OTOG: variants seen among roughly 807,000 people sequenced by gnomAD.
OTOG encodes otogelin.
Under a neutral mutation model 313.8 loss-of-function variants are expected in OTOG, and 296 were observed. That is an observed-to-expected ratio of 0.94 (90% CI 0.86 to 1.04). The LOEUF (loss-of-function observed/expected upper bound fraction) is 1.04, where lower values mean the gene tolerates loss of function less well. Ranked by LOEUF, OTOG falls within the 50% of genes least tolerant of loss-of-function variation. OTOG has a pLI of 0.00. For missense variants in OTOG, 3,948 were observed against 3,840.1 expected, an observed-to-expected ratio of 1.03 and a Z score of -0.74; for synonymous variants, 1,533 against 1,554.9, an observed-to-expected ratio of 0.99 and a Z score of 0.33.
At position 17,634,147 on chromosome 11, in the gene OTOG, A is replaced by C; in HGVS notation, c.7346A>C (p.Gln2449Pro). 6.5e-7 allele frequency: 1 copy of C among 1,549,828 alleles called. No homozygotes were observed. Among genetic ancestry groups the C allele is most frequent in the Non-Finnish European group, 8.7e-7 (1 of 1,146,942 alleles). The change falls in exon 44 of 56, where the codon CAG (glutamine) becomes CCG (proline). Residue 2449 changes from glutamine to proline, a missense_variant. By Grantham distance (76) the Gln-to-Pro change is moderately conservative (BLOSUM62 -1). Coordinates refer to ENST00000399397, the MANE Select transcript of OTOG (RefSeq NM_001292063.2). Reference protein sequence around the residue: ...NSSLSGCCQHQCQAPDTIVPV... With the variant: ...NSSLSGCCQHPCQAPDTIVPV... ...TCCCTCAGCGGCTGCTGCCAGCACC[A>C]GTGCCAAGCCCCAGACACCATTGTC...
intron 5 of OTOG, 46 bp from the exon 6 acceptor site, chr11:17,553,319 G>A (rs973342136): frequency 2.7e-4 from 398 of 1,494,230 alleles, no homozygotes; most frequent in Non-Finnish European, 3.4e-4. Context: ...CTCTGGCTTG[G>A]TGCCCACTGT....
chr11:17,603,777 C>T (rs1853313502), intron 32 of OTOG, among the ~76,000 whole-genome samples: 1 of 152,214 alleles, frequency 6.6e-6, no homozygotes, highest in South Asian at 2.1e-4. Flanking sequence ...CAGGAAACAT[C>T]ACAGAGGGGA....
At chr11:17,627,407 A>G (rs1565124546) in intron 39 of OTOG, among the ~76,000 whole-genome samples, 1 of 152,092 alleles carries the variant, frequency 6.6e-6, no homozygotes, top group Non-Finnish European at 1.5e-5. Context: ...TATTCTGTTG[A>G]TATGATGTAT....
At chr11:17,551,063 C>CA (rs1332338158) in intron 3 of OTOG, among the ~76,000 whole-genome samples, 1 of 150,246 alleles carries the variant, frequency 6.7e-6, no homozygotes, top group Non-Finnish European at 1.5e-5. Flanking sequence ...CAGTTTGTGG[C>CA]TTGTTGGCCC....
rs1430372915 is a variant in OTOG, at chr11:17,634,885, C to T, written c.7522C>T (p.Arg2508Cys). 2.5e-5 allele frequency: 39 copies of T among 1,549,458 alleles called. No homozygotes were observed. In the East Asian group the frequency reaches 8.3e-4, roughly 33 times the overall value. ...TLCEGLAPTCRPGHRLLTHFQ... is the reference protein window; with the variant it reads ...TLCEGLAPTCCPGHRLLTHFQ... The stretch of plus-strand genomic sequence containing the variant: ...GTGTGAGGGTCTCGCCCCCACATGC[C>T]GCCCAGGCCACCGCCTCCTCACCCA... The change falls in exon 45 of 56, where the codon CGC (arginine) becomes TGC (cysteine). Residue 2508 changes from arginine (R) to cysteine (C), a missense_variant. Physicochemically the swap from Arg to Cys is radical, Grantham distance 180. Transcript: ENST00000399397.
At chr11:17,574,306 G>A (rs1852468115) in intron 19 of OTOG, among the ~76,000 whole-genome samples, 1 of 135,778 alleles carries the variant, frequency 7.4e-6, no homozygotes, top group African/African-American at 2.9e-5. Flanking sequence ...AGGGGAGTGA[G>A]GGGGTAGGAG....
At chr11:17,641,704 CAGA>C in intron 51 of OTOG, 140 bp from the exon 52 acceptor site, 1 of 607,126 alleles carries the variant, frequency 1.6e-6, no homozygotes, top group South Asian at 2.0e-5. Context: ...CTGCCTGTGA[CAGA>C]AGGAGGCTGG....
At chr11:17,587,953 C>T (rs372794041) in intron 24 of OTOG, among the ~76,000 whole-genome samples, 3 of 152,310 alleles carry the variant, frequency 2.0e-5, no homozygotes, top group Non-Finnish European at 2.9e-5. Context: ...TAGCAGCACC[C>T]TCACCCTCAG....
chr11:17,577,758 T>C (rs1021579149), intron 22 of OTOG, among the ~76,000 whole-genome samples: 19 of 152,124 alleles, frequency 1.2e-4, no homozygotes, highest in Admixed American at 5.9e-4. Context: ...CTCTGGTTCA[T>C]CCCAGCCTGG....
chr11:17,631,544 G>A (rs201406083), intron 40 of OTOG, among the ~76,000 whole-genome samples, 158 bp from the exon 41 acceptor site: 1 of 152,200 alleles, frequency 6.6e-6, no homozygotes, highest in East Asian at 1.9e-4. Flanking sequence ...TTTGTAGCAG[G>A]TTTCCTAGCT....
At chr11:17,569,322 G>GAC in intron 16 of OTOG, 34 bp downstream of exon 16, 1 of 1,549,498 alleles carries the variant, frequency 6.5e-7, no homozygotes, top group Non-Finnish European at 8.7e-7. Flanking sequence ...ACCTAGTTGG[G>GAC]AACTGAGGGT....
intron 39 of OTOG, among the ~76,000 whole-genome samples, chr11:17,623,036 T>G (rs1853902068): frequency 6.6e-6 from 1 of 152,204 alleles, no homozygotes; most frequent in South Asian, 2.1e-4. Flanking sequence ...AAAAGCCATT[T>G]TAAGTGGAGC....
In OTOG at chr11:17,561,761, C is replaced by T. The variant is rs1330163512; in HGVS notation, c.1598C>T (p.Ser533Phe). The T allele has an allele frequency of 1.5e-5, 23 of 1,550,586 alleles. No individual in the cohort carries two copies. The highest frequency in any genetic ancestry group is 2.0e-5 in the Admixed American group (1 of 51,006). ...CAGTACATCCTGGCCAAGAGCCGCT[C>T]TTCGGGCACCTTCACCGTGACATTG... is the stretch of plus-strand genomic sequence containing the variant. ...TCQYILAKSR[S>F]SGTFTVTLQN... Residue 533 changes from serine to phenylalanine, a missense_variant, in exon 15 of 56, where the codon TCT becomes TTT. Ser to Phe is a radical substitution (Grantham distance 155). Coordinates refer to ENST00000399397, the MANE Select transcript of OTOG (RefSeq NM_001292063.2).
chr11:17,594,027 G>A lies in OTOG; in HGVS notation c.3289-20G>A. The A allele has an allele frequency of 3.9e-6, 6 of 1,550,498 alleles. No homozygotes were observed. Among genetic ancestry groups the A allele is most frequent in the Non-Finnish European group, 5.2e-6 (6 of 1,146,958 alleles). Reference sequence around the variant, plus strand: ...CTCTGGCAGGCCTGCAACTGACCATGGTGTCCTCTCTCCTTTCAGGGCCAG... The same window carrying A: ...CTCTGGCAGGCCTGCAACTGACCATAGTGTCCTCTCTCCTTTCAGGGCCAG... On this transcript the variant is annotated intron_variant, in intron 27 of 55. Coordinates refer to ENST00000399397, the MANE Select transcript of OTOG (RefSeq NM_001292063.2).
chr11:17,560,950 C>T, intron 13 of OTOG, 133 bp downstream of exon 13: 1 of 1,197,528 alleles, frequency 8.4e-7, no homozygotes, highest in Non-Finnish European at 1.2e-6. Flanking sequence ...AGGGGAGTCT[C>T]ATTAGATCCA....
At chr11:17,595,922 A>G in intron 28 of OTOG, 116 bp from the exon 29 acceptor site, 1 of 720,654 alleles carries the variant, frequency 1.4e-6, no homozygotes, top group Non-Finnish European at 2.5e-6. Context: ...AGATTTTACA[A>G]GGACCTGAAT....
chr11:17,633,135 C>T (rs1434938126), intron 42 of OTOG, among the ~76,000 whole-genome samples: 3 of 152,226 alleles, frequency 2.0e-5, no homozygotes, highest in Non-Finnish European at 2.9e-5. Context: ...TTCAATTGGC[C>T]TGGGGTGGGT....
At chr11:17,574,319 T>C (rs1213077524) in intron 19 of OTOG, among the ~76,000 whole-genome samples, 3 of 151,756 alleles carry the variant, frequency 2.0e-5, no homozygotes, top group Non-Finnish European at 4.4e-5. Flanking sequence ...GGTAGGAGTG[T>C]GTGTGTGTGT....
In OTOG at chr11:17,555,827, G is replaced by T; in HGVS notation, c.589G>T (p.Ala197Ser). 1 of 1,550,822 alleles carries T rather than the reference G, an allele frequency of 6.4e-7. No individual in the cohort carries two copies. The highest frequency in any genetic ancestry group is 8.7e-7 in the Non-Finnish European group (1 of 1,147,056). Residue 197 changes from alanine to serine, a missense_variant, in exon 7 of 56, where the codon GCT (alanine) becomes TCT (serine). By Grantham distance (99) the Ala-to-Ser change is moderately conservative. Coordinates refer to ENST00000399397, the MANE Select transcript of OTOG (RefSeq NM_001292063.2). ...CTCTTCACCCTACACCTGCTCCAGG[G>T]CTGTCAGCCTCTTCTTTGTGGGTGA... ...CGSSPYTCSR[A>S]VSLFFVGEQE... is the part of the protein sequence containing the mutation.
Sources: allele counts gnomAD v4.1 joint callset (sites outside exome capture counted in the v4.1 genomes callset), GRCh38; gene constraint gnomAD v4.1.1; transcripts MANE v1.5; gene names NCBI Gene and HGNC (gene_info 2026-07-23, HGNC 2026-07-21).